RPS6KC1: variants seen among roughly 807,000 people sequenced by gnomAD.
RPS6KC1 encodes the protein inactive ribosomal protein S6 kinase delta-1.
RPS6KC1 carries 54 observed loss-of-function variants against 103.8 expected under a neutral mutation model. The observed-to-expected ratio is 0.52, with a 90% CI of 0.42 to 0.65. The LOEUF (loss-of-function observed/expected upper bound fraction) is 0.65, where lower values mean the gene tolerates loss of function less well. Among genes scored for constraint, RPS6KC1 ranks in the 30% least tolerant of loss-of-function variants. The probability of loss-of-function intolerance (pLI) is 0.00; values close to 1 mark genes in which losing one functional copy is unlikely to be tolerated. For synonymous variants in RPS6KC1, 439 were observed against 438.7 expected, an observed-to-expected ratio of 1.00 and a Z score of -0.01; for missense variants, 1,151 against 1,253.8, an observed-to-expected ratio of 0.92 and a Z score of 1.24.
intron 8 of RPS6KC1, among the ~76,000 whole-genome samples, chr1:213,228,431 T>C (rs976360459): frequency 3.3e-5 from 5 of 152,206 alleles, no homozygotes; most frequent in Non-Finnish European, 7.4e-5. Context: ...GGTAAAATTA[T>C]TTCACTGAGC....
chr1:213,317,688 G>C, the RPS6KC1 span, among the ~76,000 whole-genome samples: 1 of 152,246 alleles, frequency 6.6e-6, no homozygotes, highest in African/African-American at 2.4e-5. Context: ...ACAATGAAGA[G>C]TGTGGCATTG....
At chr1:213,151,722 G>A (rs2088974648) in intron 6 of RPS6KC1, among the ~76,000 whole-genome samples, 1 of 128,436 alleles carries the variant, frequency 7.8e-6, no homozygotes. Context: ...TGGCCGGGCG[G>A]GGGGCTGACC....
chr1:213,200,761 C>CAAGAAGTAA (rs2093132727), intron 8 of RPS6KC1, among the ~76,000 whole-genome samples: 1 of 152,102 alleles, frequency 6.6e-6, no homozygotes, highest in East Asian at 1.9e-4. Context: ...CTATAAGGAA[C>CAAGAAGTAA]TTAAATTTAC....
At chr1:213,282,564 TC>T in the RPS6KC1 span, among the ~76,000 whole-genome samples, 2 of 152,256 alleles carry the variant, frequency 1.3e-5, no homozygotes, top group Non-Finnish European at 2.9e-5. Context: ...ACTCAGCTCT[TC>T]CGTTTCTTCT....
the RPS6KC1 span, among the ~76,000 whole-genome samples, chr1:213,720,306 G>A: frequency 6.6e-6 from 1 of 152,216 alleles, no homozygotes; most frequent in Non-Finnish European, 1.5e-5. Flanking sequence ...CATTAGAATT[G>A]ACGCACTCAA....
the RPS6KC1 span, among the ~76,000 whole-genome samples, chr1:213,493,908 G>T: frequency 6.6e-6 from 1 of 152,168 alleles, no homozygotes; most frequent in South Asian, 2.1e-4. Flanking sequence ...ACTGGACAGG[G>T]ATTTTATAGA....
the RPS6KC1 span, among the ~76,000 whole-genome samples, chr1:213,564,750 T>C: frequency 5.9e-5 from 9 of 152,328 alleles, no homozygotes; most frequent in African/African-American, 2.2e-4. Flanking sequence ...AGGTTAGTAA[T>C]TTGTTTCTGT....
the RPS6KC1 span, among the ~76,000 whole-genome samples, chr1:213,651,650 T>C: frequency 3.9e-5 from 6 of 152,204 alleles, no homozygotes; most frequent in Admixed American, 1.3e-4. Context: ...TATTCACATT[T>C]GGACAGCTGG....
At chr1:213,572,880 T>C in the RPS6KC1 span, among the ~76,000 whole-genome samples, 2 of 152,194 alleles carry the variant, frequency 1.3e-5, no homozygotes, top group Admixed American at 1.3e-4. Flanking sequence ...ATCTTGGTAA[T>C]ATTGTGTTGC....
chr1:213,157,177 CT>C, intron 6 of RPS6KC1, among the ~76,000 whole-genome samples: 1 of 150,418 alleles, frequency 6.6e-6, no homozygotes, highest in African/African-American at 2.4e-5. Context: ...GATATGCATT[CT>C]TTAGTTTTCA....
the RPS6KC1 span, among the ~76,000 whole-genome samples, chr1:213,813,786 G>C: frequency 3.9e-5 from 6 of 152,138 alleles, no homozygotes; most frequent in Admixed American, 2.6e-4. Flanking sequence ...GAGGAGCAGA[G>C]GGGGGCTGCC....
chr1:213,178,974 C>T (rs1014650500), intron 8 of RPS6KC1, among the ~76,000 whole-genome samples: 1 of 151,990 alleles, frequency 6.6e-6, no homozygotes, highest in East Asian at 1.9e-4. Flanking sequence ...CTCGCCTCGG[C>T]CTCTGAAAGT....
chr1:213,779,648 A>G, the RPS6KC1 span, among the ~76,000 whole-genome samples: 1 of 152,218 alleles, frequency 6.6e-6, no homozygotes, highest in Non-Finnish European at 1.5e-5. Flanking sequence ...GGAGGAAGTC[A>G]TAGAATCAAT....
At chr1:213,295,613 T>C in the RPS6KC1 span, among the ~76,000 whole-genome samples, 1 of 152,362 alleles carries the variant, frequency 6.6e-6, no homozygotes, top group South Asian at 2.1e-4. Context: ...AAGTGAATTT[T>C]TGTTTTTCCT....
At chr1:213,686,488 T>A in the RPS6KC1 span, among the ~76,000 whole-genome samples, 1 of 152,142 alleles carries the variant, frequency 6.6e-6, no homozygotes, top group Non-Finnish European at 1.5e-5. Context: ...GTGTAGAGAA[T>A]CAGGAGAAGT....
At chr1:213,298,880 C>G in the RPS6KC1 span, among the ~76,000 whole-genome samples, 1 of 152,088 alleles carries the variant, frequency 6.6e-6, no homozygotes, top group Admixed American at 6.6e-5. Context: ...CAAATTTCTC[C>G]CCTCCCCTTC....
chr1:213,483,882 A>G, the RPS6KC1 span, among the ~76,000 whole-genome samples: 1 of 152,228 alleles, frequency 6.6e-6, no homozygotes, highest in Non-Finnish European at 1.5e-5. Flanking sequence ...TTTGCCTGAT[A>G]GAGTCTAAGG....
At chr1:213,428,611 CCT>C in the RPS6KC1 span, 3 of 135,420 alleles carry the variant, frequency 2.2e-5, no homozygotes, top group South Asian at 2.6e-4. Context: ...TCCCTCCCTC[CCT>C]CTCTCTCTTT....
chr1:213,606,561 C>T, the RPS6KC1 span, among the ~76,000 whole-genome samples: 2 of 152,228 alleles, frequency 1.3e-5, no homozygotes, highest in African/African-American at 4.8e-5. Context: ...AAGGGAAATA[C>T]TTCAACAATA....
Sources: gnomAD v4.1 joint callset for allele counts (sites outside exome capture counted in the v4.1 genomes callset) on GRCh38, gnomAD v4.1.1 for gene constraint, MANE v1.5 for transcripts, NCBI Gene and HGNC (gene_info 2026-07-23, HGNC 2026-07-21) for gene names.